The following SPAG16 variants were observed in gnomAD, a reference collection of about 807,000 sequenced individuals.
SPAG16 encodes the protein sperm associated antigen 16.
A neutral mutation model predicts 80.4 loss-of-function variants in SPAG16; 86 were observed. That is an observed-to-expected ratio of 1.07 (90% CI 0.90 to 1.28). The LOEUF is 1.28. Ranked by LOEUF, SPAG16 falls within the 50% of genes most tolerant of loss-of-function variation. SPAG16 has a pLI of 0.00. For synonymous variants in SPAG16, 294 were observed against 265.9 expected (o/e 1.11, Z -1.03); for missense variants, 870 against 765.3 (o/e 1.14, Z -1.61).
chr2:213,419,937 C>G (rs2069489328), intron 9 of SPAG16, among the ~76,000 whole-genome samples: 1 of 152,146 alleles, frequency 6.6e-6, no homozygotes, highest in African/African-American at 2.4e-5. Context: ...ATGTAGTTAT[C>G]TCCCTTTTCC....
At chr2:213,866,927 A>C (rs891099639) in intron 11 of SPAG16, among the ~76,000 whole-genome samples, 14 of 152,218 alleles carry the variant, frequency 9.2e-5, no homozygotes, top group African/African-American at 3.4e-4. Flanking sequence ...GAAATCCTTT[A>C]AGTTTTATAC....
At chr2:213,737,597 C>T (rs2067345790) in intron 10 of SPAG16, among the ~76,000 whole-genome samples, 1 of 151,662 alleles carries the variant, frequency 6.6e-6, no homozygotes, top group South Asian at 2.1e-4. Flanking sequence ...ACGCCATTCT[C>T]CTGCCTCAGC....
intron 5 of SPAG16, among the ~76,000 whole-genome samples, chr2:213,337,900 A>C (rs1194935045): frequency 6.6e-6 from 1 of 152,080 alleles, no homozygotes; most frequent in Non-Finnish European, 1.5e-5. Flanking sequence ...TGAGAAGATC[A>C]AGCAAAAGAC....
At position 213,522,716 on chromosome 2, in the gene SPAG16, A is replaced by T. The variant is rs112964145; in HGVS notation, c.1070+32626A>T. On this transcript the variant is annotated intron_variant, in intron 10 of 15. Coordinates refer to ENST00000331683, the MANE Select transcript of SPAG16 (RefSeq NM_024532.5). ...GCAGCACATCTTTGTGTCTACCACA[A>T]ATATAATTTCAGGACTTAGTTTGAG... Among the ~76,000 whole-genome samples the T allele has an allele frequency of 7.8e-4, 119 of 152,208 alleles. 2 individuals carry two copies. Among genetic ancestry groups the T allele is most frequent in the Middle Eastern group, 3.4e-3 (1 of 292 alleles).
intron 15 of SPAG16, 53 bp from the exon 16 acceptor site, chr2:214,410,087 T>TTGAAA: frequency 1.3e-6 from 2 of 1,595,724 alleles, no homozygotes; most frequent in Non-Finnish European, 1.7e-6. Context: ...CTGTGAACAC[T>TTGAAA]TGAAATAAAA....
At chr2:213,523,633 T>A (rs1356944680) in intron 10 of SPAG16, among the ~76,000 whole-genome samples, 2 of 152,130 alleles carry the variant, frequency 1.3e-5, no homozygotes, top group Non-Finnish European at 2.9e-5. Flanking sequence ...CCTAGAGACT[T>A]GTTGAATGGC....
At chr2:213,917,269 T>C (rs1404635415) in intron 11 of SPAG16, among the ~76,000 whole-genome samples, 2 of 152,228 alleles carry the variant, frequency 1.3e-5, no homozygotes, top group Non-Finnish European at 1.5e-5. Flanking sequence ...GCTCTTTTTT[T>C]GGTTCTATAG....
chr2:214,300,922 T>A (rs1207457782), intron 15 of SPAG16, among the ~76,000 whole-genome samples: 1 of 151,248 alleles, frequency 6.6e-6, no homozygotes, highest in Non-Finnish European at 1.5e-5. Context: ...AAATTATTAC[T>A]CTAGTACCAA....
chr2:214,391,852 A>G (rs1162060069), intron 15 of SPAG16, among the ~76,000 whole-genome samples: 1 of 152,236 alleles, frequency 6.6e-6, no homozygotes, highest in African/African-American at 2.4e-5. Flanking sequence ...ACCCTGCTCA[A>G]CCAGGCAACT....
chr2:213,478,117 G>C (rs2073526144), intron 9 of SPAG16, among the ~76,000 whole-genome samples: 1 of 152,122 alleles, frequency 6.6e-6, no homozygotes, highest in Non-Finnish European at 1.5e-5. Flanking sequence ...TTTTCTGTCT[G>C]CCATGATAGT....
rs370914219 is a variant in SPAG16 at position 214,214,369 on chromosome 2, C to T, written c.1720+65103C>T. On this transcript the variant is annotated intron_variant, in intron 15 of 15. Transcript: ENST00000331683. ...ATTTTTAACAGAGACAGGATTTCAC[C>T]ATGTTGGCCAGGCTGGTCTCAAACT... 2.6e-5 allele frequency among the ~76,000 whole-genome samples: 4 copies of T among 152,062 alleles called. No homozygotes were observed. In the East Asian group the frequency reaches 5.8e-4, roughly 22 times the overall value.
At chr2:213,811,859 G>A (rs943291224) in intron 10 of SPAG16, among the ~76,000 whole-genome samples, 1 of 152,112 alleles carries the variant, frequency 6.6e-6, no homozygotes, top group African/African-American at 2.4e-5. Context: ...GCAGTGAGGG[G>A]TCAATCCTGG....
At chr2:213,665,043 G>A (rs921781687) in intron 10 of SPAG16, among the ~76,000 whole-genome samples, 14 of 151,992 alleles carry the variant, frequency 9.2e-5, no homozygotes, top group Non-Finnish European at 1.6e-4. Flanking sequence ...TGTTTGCCCA[G>A]CATTTCTTCT....
intron 10 of SPAG16, among the ~76,000 whole-genome samples, chr2:213,791,772 G>T (rs1024091874): frequency 2.0e-5 from 3 of 152,100 alleles, no homozygotes; most frequent in African/African-American, 7.2e-5. Flanking sequence ...TCATTTAATG[G>T]AAAGGATTAG....
chr2:214,034,045 A>G (rs1016416464), intron 13 of SPAG16, among the ~76,000 whole-genome samples: 4 of 151,100 alleles, frequency 2.6e-5, no homozygotes, highest in East Asian at 2.1e-4. Flanking sequence ...ATTGTGTTTC[A>G]TGATATTGAC....
chr2:214,250,761 G>C (rs1396506109), intron 15 of SPAG16, among the ~76,000 whole-genome samples: 1 of 116,400 alleles, frequency 8.6e-6, no homozygotes. Context: ...TATATATAGA[G>C]AGAGAGAGAG....
intron 14 of SPAG16, among the ~76,000 whole-genome samples, chr2:214,145,044 T>C (rs1248526332): frequency 1.3e-5 from 2 of 152,104 alleles, no homozygotes; most frequent in Non-Finnish European, 2.9e-5. Flanking sequence ...ATATTTGTTT[T>C]AAAAAATTAT....
chr2:214,158,941 T>C (rs923280772), intron 15 of SPAG16, among the ~76,000 whole-genome samples: 1 of 152,010 alleles, frequency 6.6e-6, no homozygotes, highest in Non-Finnish European at 1.5e-5. Context: ...AGTGAAGATA[T>C]ATGTATATAA....
At chr2:214,345,323 C>A (rs1375171081) in intron 15 of SPAG16, among the ~76,000 whole-genome samples, 2 of 152,046 alleles carry the variant, frequency 1.3e-5, no homozygotes, top group Non-Finnish European at 1.5e-5. Context: ...AGACACAGAC[C>A]CCATGAATAT....
Sources: allele counts gnomAD v4.1 joint callset (sites outside exome capture counted in the v4.1 genomes callset), GRCh38; gene constraint gnomAD v4.1.1; transcripts MANE v1.5; gene names NCBI Gene and HGNC (gene_info 2026-07-23, HGNC 2026-07-21).